The following BLTP1 variants were observed in gnomAD, a reference collection of about 807,000 sequenced individuals.
The protein encoded by BLTP1 is fragile site-associated protein.
chr4:122,197,185 T>C, the BLTP1 span: 1 of 1,060,486 alleles, frequency 9.4e-7, no homozygotes, highest in South Asian at 1.8e-5. Context: ...TTAATTTTTT[T>C]CTTTTGGTAG....
At chr4:122,241,006 T>C in the BLTP1 span, among the ~76,000 whole-genome samples, 1 of 152,164 alleles carries the variant, frequency 6.6e-6, no homozygotes, top group Non-Finnish European at 1.5e-5. Flanking sequence ...ATGGAGCTTA[T>C]GGTTTAGAGG....
the BLTP1 span, chr4:122,289,149 AG>A: frequency 6.2e-7 from 1 of 1,610,938 alleles, no homozygotes; most frequent in Non-Finnish European, 8.5e-7. Context: ...TTGTACAGAA[AG>A]TGTTCATGAA....
At chr4:122,297,781 G>A in the BLTP1 span, among the ~76,000 whole-genome samples, 2 of 152,182 alleles carry the variant, frequency 1.3e-5, no homozygotes, top group Admixed American at 1.3e-4. Flanking sequence ...GCTGGAAGCC[G>A]TTATCCCCAG....
At chr4:122,160,328 C>G in the BLTP1 span, among the ~76,000 whole-genome samples, 7 of 152,132 alleles carry the variant, frequency 4.6e-5, no homozygotes, top group East Asian at 1.4e-3. Context: ...TATTGGTTAG[C>G]GTTCTATTTA....
At chr4:122,271,391 C>T in the BLTP1 span, 6 of 1,613,642 alleles carry the variant, frequency 3.7e-6, no homozygotes, top group African/African-American at 1.3e-5. Context: ...TGACTTTAGC[C>T]GCAGTTCTAG....
the BLTP1 span, chr4:122,190,080 G>GTAT: frequency 6.2e-7 from 1 of 1,612,560 alleles, no homozygotes; most frequent in South Asian, 1.1e-5. Context: ...GATGAGCCAG[G>GTAT]TATTGTTGTT....
chr4:122,299,543 A>G, the BLTP1 span, among the ~76,000 whole-genome samples: 1 of 152,216 alleles, frequency 6.6e-6, no homozygotes, highest in African/African-American at 2.4e-5. Context: ...AAAGGAATGA[A>G]TGAATTTGAG....
chr4:122,195,054 CA>C, the BLTP1 span, among the ~76,000 whole-genome samples: 1 of 152,120 alleles, frequency 6.6e-6, no homozygotes, highest in Non-Finnish European at 1.5e-5. Context: ...TGCACAAATA[CA>C]AACTGTAATC....
At chr4:122,321,848 T>C in the BLTP1 span, among the ~76,000 whole-genome samples, 1 of 151,526 alleles carries the variant, frequency 6.6e-6, no homozygotes, top group East Asian at 1.9e-4. Context: ...TTGGGTTGTT[T>C]TTTTCCTCTC....
At chr4:122,189,617 C>A in the BLTP1 span, 4 of 920,970 alleles carry the variant, frequency 4.3e-6, no homozygotes, top group Non-Finnish European at 5.2e-6. Flanking sequence ...AGAATATGAT[C>A]ATTTTATTCC....
At chr4:122,334,680 C>A in the BLTP1 span, 56 of 827,870 alleles carry the variant, frequency 6.8e-5, no homozygotes, top group East Asian at 1.4e-3. Context: ...ACTCTACAGA[C>A]TTCATATATG....
the BLTP1 span, among the ~76,000 whole-genome samples, chr4:122,329,830 T>A: frequency 6.6e-5 from 10 of 151,798 alleles, no homozygotes; most frequent in Non-Finnish European, 1.3e-4. Flanking sequence ...CTAGAACTTA[T>A]TAATCTTGCG....
the BLTP1 span, among the ~76,000 whole-genome samples, chr4:122,345,296 A>G: frequency 1.3e-5 from 2 of 152,152 alleles, no homozygotes; most frequent in Non-Finnish European, 2.9e-5. Context: ...GAAGGAAACA[A>G]TAAATTCTGT....
the BLTP1 span, chr4:122,192,167 A>G: frequency 6.4e-7 from 1 of 1,562,284 alleles, no homozygotes; most frequent in Non-Finnish European, 8.7e-7. Context: ...CTACTGATCT[A>G]AGGAAACTTT....
chr4:122,186,039 C>T, the BLTP1 span: 1 of 1,571,046 alleles, frequency 6.4e-7, no homozygotes, highest in South Asian at 1.2e-5. Context: ...TCTTTAGATC[C>T]AAAGGCAGAA....
At chr4:122,208,428 G>GT in the BLTP1 span, 1 of 984,624 alleles carries the variant, frequency 1.0e-6, no homozygotes, top group African/African-American at 1.7e-5. Flanking sequence ...TAGGAAAAAA[G>GT]TAAAGCCAAA....
At chr4:122,327,052 ACT>A in the BLTP1 span, among the ~76,000 whole-genome samples, 7 of 151,626 alleles carry the variant, frequency 4.6e-5, no homozygotes, top group African/African-American at 1.4e-4. Context: ...TGCTCAAGTA[ACT>A]CTGTGACTCT....
At chr4:122,275,705 T>G in the BLTP1 span, among the ~76,000 whole-genome samples, 1 of 152,120 alleles carries the variant, frequency 6.6e-6, no homozygotes, top group African/African-American at 2.4e-5. Flanking sequence ...CAAGTAAAGA[T>G]CCCTTAACTG....
At chr4:122,301,878 A>G in the BLTP1 span, among the ~76,000 whole-genome samples, 318 of 152,238 alleles carry the variant, frequency 2.1e-3, 1 homozygote, top group Non-Finnish European at 3.2e-3. Flanking sequence ...CTCTGGCAAC[A>G]TAGCGAGACT....
Sources: allele counts gnomAD v4.1 joint callset (sites outside exome capture counted in the v4.1 genomes callset), GRCh38; gene constraint gnomAD v4.1.1; transcripts MANE v1.5; gene names NCBI Gene and HGNC (gene_info 2026-07-23, HGNC 2026-07-21).